Variants in PCYT1A observed in about 807,000 individuals in gnomAD.
PCYT1A encodes the protein phosphate cytidylyltransferase 1A, choline, also known as choline-phosphate cytidylyltransferase A.
A neutral mutation model predicts 43.7 loss-of-function variants in PCYT1A; 25 were observed. The observed-to-expected ratio is 0.57, with a 90% CI of 0.42 to 0.80. The LOEUF is 0.80. Ranked by LOEUF, PCYT1A falls within the 30% of genes least tolerant of loss-of-function variation. The pLI is 0.00. For missense variants in PCYT1A, 421 were observed against 474.2 expected (o/e 0.89, Z 1.04); for synonymous variants, 172 against 170.7 (o/e 1.01, Z -0.06).
chr3:196,269,608 G>A (rs907638818), intron 2 of PCYT1A, among the ~76,000 whole-genome samples: 3 of 152,096 alleles, frequency 2.0e-5, no homozygotes, highest in Admixed American at 6.6e-5. Flanking sequence ...GATGGGATAG[G>A]CAGTGTGGAA....
chr3:196,253,133 T>C (rs1458945875), intron 3 of PCYT1A, among the ~76,000 whole-genome samples: 2 of 151,772 alleles, frequency 1.3e-5, no homozygotes, highest in Non-Finnish European at 2.9e-5. Flanking sequence ...AGGTCAGCAG[T>C]TGAGGCCAGC....
chr3:196,254,031 GA>G (rs564108126), intron 3 of PCYT1A, among the ~76,000 whole-genome samples: 58 of 149,390 alleles, frequency 3.9e-4, no homozygotes, highest in African/African-American at 1.4e-3. Context: ...TAGATAGATA[GA>G]TTTTTTTTTT....
At chr3:196,255,037 C>T (rs1724911155) in intron 3 of PCYT1A, among the ~76,000 whole-genome samples, 1 of 152,158 alleles carries the variant, frequency 6.6e-6, no homozygotes, top group Non-Finnish European at 1.5e-5. Context: ...TATACAACCT[C>T]CCTCGTAAAA....
At chr3:196,244,852 C>T (rs986415121) in intron 5 of PCYT1A, among the ~76,000 whole-genome samples, 14 of 151,458 alleles carry the variant, frequency 9.2e-5, no homozygotes, top group African/African-American at 1.7e-4. Context: ...GGATTAAGGG[C>T]GGTGCAAGAT....
At chr3:196,238,943 A>G (rs778599262) in intron 8 of PCYT1A, 49 bp from the exon 9 acceptor site, 11 of 1,170,360 alleles carry the variant, frequency 9.4e-6, no homozygotes, top group East Asian at 3.0e-5. Flanking sequence ...GATCCTACTT[A>G]ATCATCACTG....
At chr3:196,286,686 G>A (rs543748392) in intron 1 of PCYT1A, among the ~76,000 whole-genome samples, 3 of 152,280 alleles carry the variant, frequency 2.0e-5, no homozygotes, top group African/African-American at 7.2e-5. Context: ...GGCCTAGGCG[G>A]GTGGATCACC....
At chr3:196,255,632 T>G (rs1724928900) in intron 3 of PCYT1A, among the ~76,000 whole-genome samples, 1 of 152,144 alleles carries the variant, frequency 6.6e-6, no homozygotes, top group African/African-American at 2.4e-5. Context: ...AGGGAAATGT[T>G]GCAGTGAGCT....
Position 196,236,486 on chromosome 3 carries a change from G to GT in PCYT1A, c.*2201dup, listed in dbSNP as rs1200835878. ...CAGACAGGATTCCAAGCCAAAGCTT[G>GT]TATGACCAGATTTAAGAGTAAGAAC... On this transcript the variant is annotated 3_prime_UTR_variant, in exon 9 of 9. Coordinates refer to ENST00000431016, the MANE Select transcript of PCYT1A (RefSeq NM_001312673.2). 6.6e-6 allele frequency: 1 copy of GT among 152,192 alleles called. No individual in the cohort carries two copies. Among genetic ancestry groups the GT allele is most frequent in the African/African-American group, 2.4e-5 (1 of 41,394 alleles). 9.4% of individuals were successfully genotyped at this position (152,192 alleles called of 1,614,324 possible). A position where few individuals can be genotyped will look rare whatever the true frequency, so the allele number is the denominator to read the frequency against.
rs147861963 is a variant in PCYT1A at position 196,243,200 on chromosome 3, C to T, written c.487-560G>A. ...AAAATTAGCCAGGCATGGTGGCGGG[C>T]GCTTGTAGTCCCAGCTACTTGGGAG... is the stretch of plus-strand genomic sequence containing the variant. On this transcript the variant is annotated intron_variant, in intron 5 of 8. Transcript: ENST00000431016. 8.1e-3 allele frequency: 1,254 copies of T among 153,920 alleles called. 14 individuals carry two copies. The highest frequency in any genetic ancestry group is 0.028 in the African/African-American group (1,160 of 41,456). The allele number at this position is 153,920 out of a possible 1,614,324, so 9.5% of individuals were successfully genotyped here.
chr3:196,267,114 G>A (rs1388025348), intron 2 of PCYT1A, among the ~76,000 whole-genome samples: 1 of 151,374 alleles, frequency 6.6e-6, no homozygotes, highest in African/African-American at 2.4e-5. Flanking sequence ...AGGAGGCGGA[G>A]GTTGCAGTGA....
intron 3 of PCYT1A, among the ~76,000 whole-genome samples, chr3:196,254,496 G>C (rs971829789): frequency 2.0e-5 from 3 of 152,012 alleles, no homozygotes; most frequent in African/African-American, 7.2e-5. Flanking sequence ...GACTATAGAT[G>C]CACACCACCA....
At chr3:196,253,689 C>A (rs1724869503) in intron 3 of PCYT1A, among the ~76,000 whole-genome samples, 1 of 152,140 alleles carries the variant, frequency 6.6e-6, no homozygotes, top group South Asian at 2.1e-4. Flanking sequence ...TCCAGTGCTT[C>A]CCCAGCCTAC....
intron 2 of PCYT1A, 50 bp downstream of exon 2, chr3:196,270,365 A>T: frequency 9.5e-7 from 1 of 1,051,344 alleles, no homozygotes; most frequent in South Asian, 1.3e-5. Context: ...TGATATCATC[A>T]ATGTCATATC....
At chr3:196,262,042 T>G (rs1044652953) in intron 2 of PCYT1A, among the ~76,000 whole-genome samples, 3 of 152,168 alleles carry the variant, frequency 2.0e-5, no homozygotes, top group African/African-American at 7.2e-5. Flanking sequence ...TAAAACACTG[T>G]GTTATTCTCA....
intron 5 of PCYT1A, chr3:196,243,139 A>G (rs959663065): frequency 6.4e-6 from 1 of 156,786 alleles, no homozygotes; most frequent in African/African-American, 2.4e-5. Context: ...TAACGTGGCT[A>G]ACATGGTGAA....
Position 196,238,813 on chromosome 3 carries a change from C to T in PCYT1A, c.979G>A (p.Glu327Lys), listed in dbSNP as rs144403921. Reference sequence around the variant, plus strand: ...CGGAAAGAGGGGGAGGGGGAGCGCTCGCGAGTAGGGCTGCTGCTGGGGCTC... The same window carrying T: ...CGGAAAGAGGGGGAGGGGGAGCGCTTGCGAGTAGGGCTGCTGCTGGGGCTC... The part of the protein sequence containing the change: ...KQSPSSSPTR[E>K]RSPSPSFRWP... The change falls in exon 9 of 9, where the codon GAG (glutamate) becomes AAG (lysine). Residue 327 changes from glutamate (E) to lysine (K), a missense_variant. Glu to Lys is a moderately conservative substitution (Grantham distance 56). Transcript: ENST00000431016. 155 of 1,575,680 alleles carry T rather than the reference C, an allele frequency of 9.8e-5. 1 individual carries two copies. Among genetic ancestry groups the T allele is most frequent in the Middle Eastern group, 1.8e-4 (1 of 5,712 alleles).
rs569205078 is a variant in PCYT1A, at chr3:196,239,465, C to T, written c.897+82G>A. 116 of 855,706 alleles carry T rather than the reference C, an allele frequency of 1.4e-4. No individual in the cohort carries two copies. The African/African-American group carries it at 1.6e-3, about 12-fold the overall frequency. The allele number at this position is 855,706 out of a possible 1,614,324, so 53.0% of individuals were successfully genotyped here. Reference sequence around the variant, plus strand: ...GATAGACTAGATAACTTCTCAGTGTCGATGCCCCTTCCTGCTCAATGATTC... The same window carrying T: ...GATAGACTAGATAACTTCTCAGTGTTGATGCCCCTTCCTGCTCAATGATTC... On this transcript the variant is annotated intron_variant, in intron 8 of 8. Transcript: ENST00000431016.
intron 3 of PCYT1A, among the ~76,000 whole-genome samples, chr3:196,255,405 T>C (rs1363082143): frequency 3.3e-5 from 5 of 152,222 alleles, no homozygotes; most frequent in Non-Finnish European, 7.3e-5. Flanking sequence ...CTATGGACCT[T>C]AATTGCTTTA....
At position 196,272,405 on chromosome 3, in the gene PCYT1A, C is replaced by T. The variant is rs551713917; in HGVS notation, c.-10-1864G>A. On this transcript the variant is annotated intron_variant, in intron 1 of 8. Coordinates refer to ENST00000431016, the MANE Select transcript of PCYT1A (RefSeq NM_001312673.2). ...TTCCCTATGTTGGCCAGGCTGGTCT[C>T]GAACACCTGACCTCGTGATCCACCT... 1.6e-4 allele frequency among the ~76,000 whole-genome samples: 24 copies of T among 152,154 alleles called. 2 individuals carry two copies. In the Middle Eastern group the frequency reaches 0.027, roughly 173 times the overall value.
Sources: allele counts gnomAD v4.1 joint callset (sites outside exome capture counted in the v4.1 genomes callset), GRCh38; gene constraint gnomAD v4.1.1; transcripts MANE v1.5; gene names NCBI Gene and HGNC (gene_info 2026-07-23, HGNC 2026-07-21).